Variants in NT5DC4 observed in about 807,000 individuals in gnomAD.
The protein encoded by NT5DC4 is 5'-nucleotidase domain containing 4, also known as 5'-nucleotidase domain-containing protein 4.
In NT5DC4, 44 loss-of-function variants were observed where a neutral mutation model predicts 26.6. The ratio of observed to expected loss-of-function variants is 1.65; its 90% CI spans 1.30 to 2.13. The LOEUF is 2.13. Among genes scored for constraint, NT5DC4 ranks in the 30% most tolerant of loss-of-function variants. The pLI, the probability that NT5DC4 is intolerant of heterozygous loss-of-function variation, is 0.00. For synonymous variants in NT5DC4, 157 were observed against 86.7 expected (o/e 1.81, Z -4.51); for missense variants, 399 against 228.1 (o/e 1.75, Z -4.83).
intron 10 of NT5DC4, 146 bp from the exon 11 acceptor site, chr2:112,724,635 G>A: frequency 3.2e-6 from 2 of 618,960 alleles, no homozygotes; most frequent in South Asian, 3.7e-5. Context: ...GGGGAAGCTG[G>A]GCAGCGAGAC....
rs761212132 is a variant in NT5DC4 at position 112,724,124 on chromosome 2, G to C, written c.787G>C (p.Glu263Gln). Reference sequence around the variant, plus strand: ...CATGACCTACCTGTTCAGCATCAGTGAGGTGAGTGTTGGAGTGTTGCGTGC... The same window carrying C: ...CATGACCTACCTGTTCAGCATCAGTCAGGTGAGTGTTGGAGTGTTGCGTGC... ...AIMTYLFSIS[E>Q]AEASGRPWRS... Residue 263 changes from glutamate (E) to glutamine (Q), a missense_variant and splice_region_variant, in exon 10 of 17, where the codon GAG (glutamate) becomes CAG (glutamine). By Grantham distance (29) the Glu-to-Gln change is conservative (BLOSUM62 2). Coordinates refer to ENST00000688554, the MANE Select transcript of NT5DC4 (RefSeq NM_001393655.1). 7 of 717,056 alleles carry C rather than the reference G, an allele frequency of 9.8e-6. No homozygotes were observed. The African/African-American group carries it at 1.2e-4, about 13-fold the overall frequency. The allele number at this position is 717,056 out of a possible 1,614,324, so 44.4% of individuals were successfully genotyped here. A position where few individuals can be genotyped will look rare whatever the true frequency, so the allele number is the denominator to read the frequency against.
chr2:112,723,892 C>T (rs964623493), intron 9 of NT5DC4, 90 bp downstream of exon 9: 40 of 621,052 alleles, frequency 6.4e-5, no homozygotes, highest in South Asian at 1.3e-4. Context: ...AGGGGTGGGG[C>T]GGGGAGCCAA....
intron 16 of NT5DC4, among the ~76,000 whole-genome samples, chr2:112,734,944 C>T (rs1678922443): frequency 6.6e-6 from 1 of 152,066 alleles, no homozygotes; most frequent in Non-Finnish European, 1.5e-5. Flanking sequence ...CTCACCTCGG[C>T]CTCCCAAAGT....
At chr2:112,719,971 TTTCTTTCTTTC>T (rs1676729044), upstream of NT5DC4, among the ~76,000 whole-genome samples, 4 of 121,158 alleles carry the variant, frequency 3.3e-5, no homozygotes, top group African/African-American at 1.3e-4. Context: ...TCTTTCTTTC[TTTCTTTCTTTC>T]TTTCTTTTTC....
At chr2:112,730,302 G>T (rs1389731850) in intron 16 of NT5DC4, among the ~76,000 whole-genome samples, 3 of 85,432 alleles carry the variant, frequency 3.5e-5, no homozygotes, top group Non-Finnish European at 6.2e-5. Context: ...AACAGGGAAA[G>T]ACTGTCTCAA....
At chr2:112,724,007 C>T (rs1677337722) in intron 9 of NT5DC4, 87 bp from the exon 10 acceptor site, 2 of 712,744 alleles carry the variant, frequency 2.8e-6, no homozygotes, top group East Asian at 5.4e-5. Flanking sequence ...CTCCTGTGGC[C>T]ACCAGTGTGC....
At chr2:112,724,218 C>T (rs1180645069) in intron 10 of NT5DC4, 92 bp downstream of exon 10, 14 of 709,982 alleles carry the variant, frequency 2.0e-5, no homozygotes, top group South Asian at 1.3e-4. Context: ...GCCTCTCCCA[C>T]GTCCAGCCTC....
rs143079779 is a variant in NT5DC4, at chr2:112,733,537, G to C, written c.1344+3833G>C. Among the ~76,000 whole-genome samples the C allele has an allele frequency of 2.3e-3, 354 of 152,332 alleles. 3 individuals are homozygous for C. The highest frequency in any genetic ancestry group is 3.9e-3 in the Non-Finnish European group (267 of 68,026). ...GACCTCAGGAGGGGCATACCTTCCC[G>C]TTCCTCTCTTCCCCCTTCCAGCTGG... On this transcript the variant is annotated intron_variant, in intron 16 of 16. Transcript: ENST00000688554.
intron 16 of NT5DC4, among the ~76,000 whole-genome samples, chr2:112,734,812 C>T (rs1330591833): frequency 6.6e-6 from 1 of 152,176 alleles, no homozygotes; most frequent in African/African-American, 2.4e-5. Context: ...GCCTCAGCCT[C>T]CCAAGTAGCT....
intron 13 of NT5DC4, 31 bp from the exon 14 acceptor site, chr2:112,726,207 T>A (rs1677696368): frequency 1.4e-6 from 1 of 717,026 alleles, no homozygotes; most frequent in African/African-American, 1.7e-5. Context: ...AGGCCGTCAC[T>A]CACCCCCACT....
At chr2:112,719,908 CTTTCTTTCTTTCTTTCTCTTTCTT>C (rs1676686811), upstream of NT5DC4, among the ~76,000 whole-genome samples, 2 of 93,884 alleles carry the variant, frequency 2.1e-5, no homozygotes, top group African/African-American at 1.1e-4. Context: ...CTTTCTTTTT[CTTTCTTTCTTTCTTTCTCTTTCTT>C]TCTTTCTTTC....
At chr2:112,737,061 G>A (rs1211050899) in intron 16 of NT5DC4, 3 of 152,102 alleles carry the variant, frequency 2.0e-5, no homozygotes, top group Non-Finnish European at 4.4e-5. Context: ...CAAGTAGCTG[G>A]GATTACAGGT....
Position 112,726,307 on chromosome 2 carries a change from C to T in NT5DC4, c.1205+18C>T. The T allele has an allele frequency of 1.4e-6, 1 of 717,178 alleles. No homozygotes were observed. Among genetic ancestry groups the T allele is most frequent in the Non-Finnish European group, 2.6e-6 (1 of 384,954 alleles). The allele number at this position is 717,178 out of a possible 1,614,324, so 44.4% of individuals were successfully genotyped here. A position where few individuals can be genotyped will look rare whatever the true frequency, so the allele number is the denominator to read the frequency against. On this transcript the variant is annotated intron_variant, in intron 14 of 16. Transcript: ENST00000688554. Reference sequence around the variant, plus strand: ...ATATACCAGTGAGACCCTGGCCTTTCTGGGGGTGGGATGGGGCAGGGAGAG... The same window carrying T: ...ATATACCAGTGAGACCCTGGCCTTTTTGGGGGTGGGATGGGGCAGGGAGAG...
At chr2:112,727,236 A>G (rs1677857211) in intron 15 of NT5DC4, 1 of 194,400 alleles carries the variant, frequency 5.1e-6, no homozygotes, top group South Asian at 9.1e-5. Context: ...GGCCGATCAC[A>G]AAGGGTCTTT....
intron 16 of NT5DC4, chr2:112,737,383 A>G (rs1679357857): frequency 1.3e-5 from 2 of 152,192 alleles, no homozygotes; most frequent in Non-Finnish European, 2.9e-5. Flanking sequence ...CAATCTCATC[A>G]ACATTTATCT....
At chr2:112,726,447 C>A (rs530096425) in intron 14 of NT5DC4, among the ~76,000 whole-genome samples, 158 bp downstream of exon 14, 3 of 152,222 alleles carry the variant, frequency 2.0e-5, no homozygotes, top group Admixed American at 2.0e-4. Context: ...ATGTGGGGAC[C>A]CCTCTCACCC....
At chr2:112,721,547 G>A (rs1452441364) in intron 1 of NT5DC4, 1 of 717,844 alleles carries the variant, frequency 1.4e-6, no homozygotes, top group East Asian at 2.7e-5. Flanking sequence ...ATGCCTGCAT[G>A]GTGGGACAGC....
rs1677040560 is a variant in NT5DC4 at position 112,722,582 on chromosome 2, C to T, written c.462C>T (p.Asn154=). 1.4e-6 allele frequency: 1 copy of T among 717,456 alleles called. No individual in the cohort carries two copies. The highest frequency in any genetic ancestry group is 2.0e-5 in the Admixed American group (1 of 50,022). 44.4% of individuals were successfully genotyped at this position (717,456 alleles called of 1,614,324 possible). ...QCFYILNMLF[N]LPETYLYACL... The stretch of plus-strand genomic sequence containing the variant: ...TCTACATACTCAACATGCTCTTCAA[C>T]CTGCCTGGTGGGTGGAGGGTTGGGG... Residue 154 remains asparagine, a synonymous_variant, in exon 5 of 17, where the codon AAC becomes AAT. Coordinates refer to ENST00000688554, the MANE Select transcript of NT5DC4 (RefSeq NM_001393655.1).
intron 15 of NT5DC4, among the ~76,000 whole-genome samples, chr2:112,727,916 G>A (rs375516662): frequency 1.3e-5 from 2 of 152,242 alleles, no homozygotes; most frequent in South Asian, 2.1e-4. Flanking sequence ...CTACACTGCC[G>A]CCTGCCTCGA....
Sources: gnomAD v4.1 joint callset for allele counts (sites outside exome capture counted in the v4.1 genomes callset) on GRCh38, gnomAD v4.1.1 for gene constraint, MANE v1.5 for transcripts, NCBI Gene and HGNC (gene_info 2026-07-23, HGNC 2026-07-21) for gene names.